FOLH1: variants seen among roughly 807,000 people sequenced by gnomAD.
FOLH1 encodes folate hydrolase 1.
A neutral mutation model predicts 93.9 loss-of-function variants in FOLH1; 54 were observed. The ratio of observed to expected loss-of-function variants is 0.57; its 90% confidence interval spans 0.46 to 0.72. The LOEUF is 0.72. FOLH1 is among the 30% of genes least tolerant of loss of function. FOLH1 has a pLI of 0.00. For missense variants in FOLH1, 571 were observed against 892.5 expected (o/e 0.64, Z 4.59); for synonymous variants, 249 against 303.6 (o/e 0.82, Z 1.87).
chr11:49,208,250 CG>C (rs1565227563), intron 1 of FOLH1, 41 bp downstream of exon 1: 2 of 1,382,532 alleles, frequency 1.4e-6, no homozygotes, highest in South Asian at 2.7e-5. Context: ...CGCGGCACCA[CG>C]GGGAAGACTC....
intron 3 of FOLH1, among the ~76,000 whole-genome samples, chr11:49,196,396 A>G (rs1862618785): frequency 6.6e-6 from 1 of 152,166 alleles, no homozygotes; most frequent in Non-Finnish European, 1.5e-5. Flanking sequence ...TGAAAGGTTA[A>G]AGGAAAAAAT....
intron 9 of FOLH1, among the ~76,000 whole-genome samples, chr11:49,174,603 C>T (rs36067143): frequency 0.07 from 10,708 of 152,174 alleles, 427 homozygotes; most frequent in Middle Eastern, 0.11. Flanking sequence ...GAAAACACAT[C>T]TTTCCCTACC....
intron 6 of FOLH1, among the ~76,000 whole-genome samples, chr11:49,183,866 A>G (rs1861072903): frequency 2.6e-5 from 4 of 152,142 alleles, no homozygotes; most frequent in Non-Finnish European, 1.5e-5. Context: ...CACAGAGAAA[A>G]TTGACCAGAA....
rs751606557 is a variant in FOLH1, at chr11:49,175,013, A to T, written c.1020-36T>A. On this transcript the variant is annotated intron_variant, in intron 8 of 18. Coordinates refer to ENST00000256999, the MANE Select transcript of FOLH1 (RefSeq NM_004476.3). Reference sequence around the variant, plus strand: ...AATAAAAGACATTCTTAAAAAAAAAAACTGGTTAACAGATTAACACTATAA... The same window carrying T: ...AATAAAAGACATTCTTAAAAAAAAATACTGGTTAACAGATTAACACTATAA... The T allele has an allele frequency of 7.5e-6, 12 of 1,590,350 alleles. No homozygotes were observed. The East Asian group carries it at 2.2e-4, about 30-fold the overall frequency.
chr11:49,179,224 T>C (rs1032886055), intron 7 of FOLH1, among the ~76,000 whole-genome samples: 2 of 152,212 alleles, frequency 1.3e-5, no homozygotes, highest in African/African-American at 4.8e-5. Context: ...GTGTAAGGCA[T>C]GATGACTATT....
chr11:49,200,932 A>G (rs1863194513), intron 2 of FOLH1, among the ~76,000 whole-genome samples: 1 of 152,142 alleles, frequency 6.6e-6, no homozygotes, highest in Non-Finnish European at 1.5e-5. Context: ...TTCATCAAAG[A>G]ATAATCTGAA....
chr11:49,176,075 G>A (rs1859992708), intron 7 of FOLH1, 118 bp from the exon 8 acceptor site: 2 of 875,710 alleles, frequency 2.3e-6, no homozygotes, highest in Non-Finnish European at 3.6e-6. Flanking sequence ...AGTGCAAAGT[G>A]CTTTGAATAT....
chr11:49,186,400 AC>A (rs1346967663), intron 5 of FOLH1, among the ~76,000 whole-genome samples: 3 of 152,184 alleles, frequency 2.0e-5, no homozygotes, highest in Admixed American at 1.3e-4. Flanking sequence ...CACAGCCATA[AC>A]CTGTAAGCAC....
chr11:49,200,362 C>T lies in FOLH1; in HGVS notation c.304G>A (p.Glu102Lys). ...AGCTCAACAGAATCCAGGCCAAATT[C>T]TTTCCACTGGGATTGAATTTGCTTT... is the stretch of plus-strand genomic sequence containing the variant. ...LAKQIQSQWK[E>K]FGLDSVELAH... Residue 102 changes from glutamate to lysine, a missense_variant, in exon 3 of 19, where the codon GAA becomes AAA. By Grantham distance (56) the Glu-to-Lys change is moderately conservative. This residue lies in a region of FOLH1 where 500 missense variants were observed against 822.9 expected (regional missense o/e 0.61). Coordinates refer to ENST00000256999, the MANE Select transcript of FOLH1 (RefSeq NM_004476.3). 6.2e-7 allele frequency: 1 copy of T among 1,613,586 alleles called. No individual in the cohort carries two copies. The highest frequency in any genetic ancestry group is 8.5e-7 in the Non-Finnish European group (1 of 1,179,690).
At chr11:49,156,274 A>G (rs900175202) in intron 15 of FOLH1, among the ~76,000 whole-genome samples, 1 of 152,060 alleles carries the variant, frequency 6.6e-6, no homozygotes, top group Non-Finnish European at 1.5e-5. Context: ...CATTTGTTTA[A>G]TGACTTGTTA....
intron 17 of FOLH1, among the ~76,000 whole-genome samples, chr11:49,150,712 GGTT>G (rs1160575400): frequency 6.6e-6 from 1 of 152,058 alleles, no homozygotes; most frequent in African/African-American, 2.4e-5. Flanking sequence ...GGAGTGTTGG[GGTT>G]GTTATTATAA....
At chr11:49,197,896 A>G (rs1026454455) in intron 3 of FOLH1, among the ~76,000 whole-genome samples, 7 of 152,184 alleles carry the variant, frequency 4.6e-5, no homozygotes, top group Non-Finnish European at 5.9e-5. Context: ...CTCTGGAAAG[A>G]GGAAAATAGA....
At chr11:49,189,492 A>T (rs1348623995) in intron 4 of FOLH1, among the ~76,000 whole-genome samples, 2 of 152,208 alleles carry the variant, frequency 1.3e-5, no homozygotes, top group Non-Finnish European at 2.9e-5. Context: ...CTGCCCTTGA[A>T]GGAACTTACA....
intron 3 of FOLH1, among the ~76,000 whole-genome samples, chr11:49,196,887 G>C (rs1389608074): frequency 6.6e-6 from 1 of 152,186 alleles, no homozygotes; most frequent in Non-Finnish European, 1.5e-5. Context: ...GTCTTGGTCA[G>C]TGCAGTAATA....
intron 2 of FOLH1, among the ~76,000 whole-genome samples, chr11:49,205,069 G>A (rs905111837): frequency 6.6e-6 from 1 of 152,132 alleles, no homozygotes; most frequent in Admixed American, 6.5e-5. Context: ...AATTAGCTGG[G>A]TGTGGTGGTG....
intron 4 of FOLH1, among the ~76,000 whole-genome samples, chr11:49,189,105 T>C (rs1357460724): frequency 1.3e-5 from 2 of 152,332 alleles, no homozygotes; most frequent in African/African-American, 4.8e-5. Context: ...GAGATGTTTT[T>C]CATTTATAAA....
At chr11:49,168,717 C>A (rs887874069) in intron 12 of FOLH1, among the ~76,000 whole-genome samples, 53 of 152,144 alleles carry the variant, frequency 3.5e-4, no homozygotes, top group Non-Finnish European at 6.9e-4. Context: ...GTGATCCACC[C>A]GCTTCAGCCT....
At chr11:49,193,655 A>T (rs1039872122) in intron 3 of FOLH1, among the ~76,000 whole-genome samples, 1 of 152,112 alleles carries the variant, frequency 6.6e-6, no homozygotes, top group Non-Finnish European at 1.5e-5. Context: ...TTTTAAGTTT[A>T]AAATTAAATT....
intron 12 of FOLH1, among the ~76,000 whole-genome samples, chr11:49,165,861 A>G (rs556350617): frequency 5.8e-4 from 88 of 152,350 alleles, no homozygotes; most frequent in Non-Finnish European, 1.2e-3. Flanking sequence ...ATGTACAAAC[A>G]GCCAATGTAA....
Sources: gnomAD v4.1 joint callset for allele counts (sites outside exome capture counted in the v4.1 genomes callset) on GRCh38, gnomAD v4.1.1 for gene constraint, gnomAD v4.1.1 regional missense constraint, MANE v1.5 for transcripts, NCBI Gene and HGNC (gene_info 2026-07-23, HGNC 2026-07-21) for gene names.